Variants in TRAM1 observed in about 807,000 individuals in gnomAD.
TRAM1 encodes translocating chain-associated membrane protein 1.
In TRAM1, 17 loss-of-function variants were observed where a neutral mutation model predicts 48.7. The ratio of observed to expected loss-of-function variants is 0.35; its 90% CI spans 0.24 to 0.52. The LOEUF is 0.52. TRAM1 is among the 20% of genes least tolerant of loss of function. TRAM1 has a pLI of 0.94. For missense variants in TRAM1, 351 were observed against 441.5 expected, an observed-to-expected ratio of 0.79 and a Z score of 1.84; for synonymous variants, 182 against 154.0, an observed-to-expected ratio of 1.18 and a Z score of -1.34.
Position 70,574,325 on chromosome 8 carries a change from G to A in TRAM1, c.*607C>T. ...TATGTATGTTAGTAAAACTCCACGT[G>A]TTGTAACGATTATTATGTTTTTGTT... On this transcript the variant is annotated 3_prime_UTR_variant, in exon 11 of 11. Coordinates refer to ENST00000262213, the MANE Select transcript of TRAM1 (RefSeq NM_014294.6). 5.8e-6 allele frequency: 2 copies of A among 344,170 alleles called. No individual in the cohort carries two copies. The highest frequency in any genetic ancestry group is 1.1e-5 in the Non-Finnish European group (2 of 179,420). 21.3% of individuals were successfully genotyped at this position (344,170 alleles called of 1,614,324 possible).
Position 70,583,233 on chromosome 8 carries a change from C to T in TRAM1, c.982G>A (p.Ala328Thr). 1 of 1,613,990 alleles carries T rather than the reference C, an allele frequency of 6.2e-7. No individual in the cohort carries two copies. Among genetic ancestry groups the T allele is most frequent in the Non-Finnish European group, 8.5e-7 (1 of 1,179,984 alleles). ...FQLRRWREHS[A>T]FQAPAVKKKP... Reference sequence around the variant, plus strand: ...TTCTTCACAGCTGGTGCCTGAAAAGCAGAATGTTCCCTCCACCTTCGAAGC... The same window carrying T: ...TTCTTCACAGCTGGTGCCTGAAAAGTAGAATGTTCCCTCCACCTTCGAAGC... Residue 328 changes from alanine to threonine, a missense_variant, in exon 10 of 11, where the codon GCT (alanine) becomes ACT (threonine). Transcript: ENST00000262213.
intron 7 of TRAM1, 40 bp downstream of exon 7, chr8:70,587,066 G>T: frequency 6.2e-7 from 1 of 1,611,508 alleles, no homozygotes; most frequent in Non-Finnish European, 8.5e-7. Flanking sequence ...CATACTATCT[G>T]CCCAGCCTAC....
At chr8:70,605,863 A>G (rs11991703) in intron 1 of TRAM1, among the ~76,000 whole-genome samples, 17,382 of 152,250 alleles carry the variant, frequency 0.11, 1,162 homozygotes, top group African/African-American at 0.18. Context: ...CTGTTTAAAA[A>G]AATCACTAAC....
chr8:70,578,944 T>C (rs1220756155), intron 10 of TRAM1, among the ~76,000 whole-genome samples: 2 of 152,236 alleles, frequency 1.3e-5, no homozygotes, highest in Non-Finnish European at 2.9e-5. Flanking sequence ...CAGTCAACCA[T>C]GGTCTGAAAA....
intron 1 of TRAM1, 98 bp downstream of exon 1, chr8:70,607,979 C>T (rs991760069): frequency 2.1e-6 from 3 of 1,406,416 alleles, no homozygotes; most frequent in Non-Finnish European, 2.8e-6. Flanking sequence ...GGGCCCGAGC[C>T]CCCCGCGTCC....
chr8:70,575,059 T>C, intron 10 of TRAM1, 54 bp from the exon 11 acceptor site: 2 of 1,286,716 alleles, frequency 1.6e-6, no homozygotes, highest in South Asian at 2.6e-5. Flanking sequence ...ATGCAAGTTA[T>C]AATCTTTATA....
At chr8:70,587,286 C>T in intron 6 of TRAM1, 110 bp from the exon 7 acceptor site, 3 of 1,005,668 alleles carry the variant, frequency 3.0e-6, no homozygotes, top group Non-Finnish European at 4.4e-6. Flanking sequence ...ACCTTGGACT[C>T]AAGAGAACCC....
intron 3 of TRAM1, 30 bp downstream of exon 3, chr8:70,598,092 TAGTACTTTATAA>T: frequency 6.3e-7 from 1 of 1,588,654 alleles, no homozygotes; most frequent in South Asian, 1.2e-5. Context: ...TATGGAGAGC[TAGTACTTTATAA>T]AGTATAGATT....
Position 70,574,227 on chromosome 8 carries a change from A to G in TRAM1, c.*705T>C, listed in dbSNP as rs1230311652. ...TCATAGTAAATATTTTCTGATTTCCAGTTTACAAGTATTGAAAATGCACAA... is the reference window on the plus strand; with the variant it reads ...TCATAGTAAATATTTTCTGATTTCCGGTTTACAAGTATTGAAAATGCACAA... On this transcript the variant is annotated 3_prime_UTR_variant, in exon 11 of 11. Coordinates refer to ENST00000262213, the MANE Select transcript of TRAM1 (RefSeq NM_014294.6). The G allele has an allele frequency of 2.4e-6, 1 of 409,478 alleles. No individual in the cohort carries two copies. The highest frequency in any genetic ancestry group is 4.7e-6 in the Non-Finnish European group (1 of 212,746). 25.4% of individuals were successfully genotyped at this position (409,478 alleles called of 1,614,324 possible).
chr8:70,574,486 T>C lies in TRAM1; in HGVS notation c.*446A>G. 4.8e-6 allele frequency: 1 copy of C among 209,830 alleles called. No individual in the cohort carries two copies. The highest frequency in any genetic ancestry group is 9.6e-6 in the Non-Finnish European group (1 of 104,430). The allele number at this position is 209,830 out of a possible 1,614,324, so 13.0% of individuals were successfully genotyped here. ...AAAAAATTAGAGAACACTGAAAACA[T>C]ATTAAAGTTTGACATCCAACTTTAT... On this transcript the variant is annotated 3_prime_UTR_variant, in exon 11 of 11. Coordinates refer to ENST00000262213, the MANE Select transcript of TRAM1 (RefSeq NM_014294.6).
At chr8:70,604,311 T>C (rs1344372135) in intron 1 of TRAM1, among the ~76,000 whole-genome samples, 1 of 152,220 alleles carries the variant, frequency 6.6e-6, no homozygotes, top group Non-Finnish European at 1.5e-5. Flanking sequence ...GTTAACTACT[T>C]TGCACTTGTT....
intron 6 of TRAM1, among the ~76,000 whole-genome samples, chr8:70,591,384 G>A (rs1043384695): frequency 7.2e-5 from 11 of 152,122 alleles, no homozygotes; most frequent in African/African-American, 1.9e-4. Flanking sequence ...TTACAGCCCC[G>A]ATGGCACGGT....
rs957412355 is a variant in TRAM1, at chr8:70,586,947, G to T, written c.694C>A (p.Leu232Ile). The change falls in exon 8 of 11, where the codon CTT (leucine) becomes ATT (isoleucine). Residue 232 changes from leucine (L) to isoleucine (I), a missense_variant. Leu to Ile is a conservative substitution (Grantham distance 5). Transcript: ENST00000262213. ...LLVLHYFVEF[L>I]FHISRLFYFS... ...TAAAACAGGCGGGAAATGTGGAAAA[G>T]AAATTCAACAAAATAATGTAGCACC... 2.5e-6 allele frequency: 4 copies of T among 1,613,750 alleles called. No individual in the cohort carries two copies. The highest frequency in any genetic ancestry group is 3.3e-4 in the Middle Eastern group (2 of 6,058).
In TRAM1 at chr8:70,583,189, T is replaced by A; in HGVS notation, c.1026A>T (p.Lys342Asn). The A allele has an allele frequency of 6.2e-7, 1 of 1,613,980 alleles. No homozygotes were observed. Among genetic ancestry groups the A allele is most frequent in the Non-Finnish European group, 8.5e-7 (1 of 1,179,974 alleles). The change falls in exon 10 of 11, where the codon AAA becomes AAT. Residue 342 changes from lysine (K) to asparagine (N), a missense_variant. Coordinates refer to ENST00000262213, the MANE Select transcript of TRAM1 (RefSeq NM_014294.6). ...CTGTTCCTTTTTTAGAAGATCTGCC[T>A]TTAGTTACTGTTGGTTTCTTCTTCA... ...PAVKKKPTVTKGRSSKKGTEN... is the reference protein window; with the variant it reads ...PAVKKKPTVTNGRSSKKGTEN...
At chr8:70,588,429 A>T (rs1407684770) in intron 6 of TRAM1, among the ~76,000 whole-genome samples, 3 of 152,046 alleles carry the variant, frequency 2.0e-5, no homozygotes, top group African/African-American at 7.2e-5. Context: ...CTACAAAAAA[A>T]TGTTTTAAAA....
At chr8:70,607,247 G>A (rs1166130928) in intron 1 of TRAM1, 3 of 985,158 alleles carry the variant, frequency 3.0e-6, no homozygotes, top group Non-Finnish European at 3.6e-6. Context: ...CAAAATACTA[G>A]ATACGTGGGA....
chr8:70,600,196 C>T (rs1328477412), intron 1 of TRAM1, 114 bp from the exon 2 acceptor site: 5 of 747,026 alleles, frequency 6.7e-6, no homozygotes, highest in Admixed American at 2.5e-5. Context: ...AGGGCCTCCT[C>T]GTTCCTGTGG....
intron 8 of TRAM1, among the ~76,000 whole-genome samples, chr8:70,584,685 T>A (rs991161257): frequency 2.0e-5 from 3 of 152,074 alleles, no homozygotes; most frequent in African/African-American, 7.2e-5. Flanking sequence ...CATAATTGCT[T>A]CAAAGAGAAT....
At chr8:70,585,329 G>T (rs1817186667) in intron 8 of TRAM1, among the ~76,000 whole-genome samples, 1 of 151,982 alleles carries the variant, frequency 6.6e-6, no homozygotes, top group African/African-American at 2.4e-5. Context: ...AACCCTAGAA[G>T]AAAACCTAGG....
Sources: gnomAD v4.1 joint callset for allele counts (sites outside exome capture counted in the v4.1 genomes callset) on GRCh38, gnomAD v4.1.1 for gene constraint, MANE v1.5 for transcripts, NCBI Gene and HGNC (gene_info 2026-07-23, HGNC 2026-07-21) for gene names.